The following ABCB8 variants were observed in gnomAD, a reference collection of about 807,000 sequenced individuals.
ABCB8 encodes the protein mitochondrial potassium channel ATP-binding subunit.
A neutral mutation model predicts 73.0 loss-of-function variants in ABCB8; 52 were observed. The observed-to-expected ratio is 0.71, with a 90% CI of 0.57 to 0.90. The LOEUF (loss-of-function observed/expected upper bound fraction) is 0.90, where lower values mean the gene tolerates loss of function less well. Ranked by LOEUF, ABCB8 falls within the 40% of genes least tolerant of loss-of-function variation. ABCB8 has a pLI of 0.00. For synonymous variants in ABCB8, 428 were observed against 423.5 expected (o/e 1.01, Z -0.13); for missense variants, 909 against 974.6 (o/e 0.93, Z 0.90).
Position 151,044,335 on chromosome 7 carries a change from G to T in ABCB8, c.2016+114G>T. The T allele has an allele frequency of 2.0e-6, 3 of 1,485,450 alleles. No homozygotes were observed. The South Asian group carries it at 3.9e-5, about 19-fold the overall frequency. 92.0% of individuals were successfully genotyped at this position (1,485,450 alleles called of 1,614,324 possible). On this transcript the variant is annotated intron_variant, in intron 15 of 15. Coordinates refer to ENST00000358849, the MANE Select transcript of ABCB8 (RefSeq NM_007188.5). ...GTGGCCTGGCCCCAGGGCCTTGGGG[G>T]CTATATTCTGGAAGCAGCGTCCCAT...
chr7:151,040,295 T>A lies in ABCB8; in HGVS notation c.1245T>A (p.Phe415Leu), dbSNP rs779449091. Residue 415 changes from phenylalanine to leucine, a missense_variant, in exon 10 of 16, where the codon TTT becomes TTA. Coordinates refer to ENST00000358849, the MANE Select transcript of ABCB8 (RefSeq NM_007188.5). ...CCATGGCCAACCTCTCTGTCCTGTT[T>A]GGGCAGGTGAGTGGCCGGTAGGGTG... Reference protein sequence around the residue: ...QRSMANLSVLFGQVVRGLSAG... With the variant: ...QRSMANLSVLLGQVVRGLSAG... The A allele has an allele frequency of 1.2e-6, 2 of 1,613,014 alleles. No homozygotes were observed. The highest frequency in any genetic ancestry group is 2.7e-5 in the African/African-American group (2 of 74,880).
rs747057365 is a variant in ABCB8 at position 151,034,605 on chromosome 7, G to A, written c.659+6G>A. On this transcript the variant is annotated splice_donor_region_variant and intron_variant, in intron 4 of 15. Coordinates refer to ENST00000358849, the MANE Select transcript of ABCB8 (RefSeq NM_007188.5). ...CTCTTCAGCTCCCTGCTCCGGTACT[G>A]CCAGCCGCAGGGTGCAGAGTTGGGG... 11 of 1,613,852 alleles carry A rather than the reference G, an allele frequency of 6.8e-6. No homozygotes were observed. Among genetic ancestry groups the A allele is most frequent in the Middle Eastern group, 1.7e-4 (1 of 6,058 alleles).
rs187662799 is a variant in ABCB8 at position 151,035,884 on chromosome 7, C to G, written c.930C>G (p.Ile310Met). 7 of 1,613,204 alleles carry G rather than the reference C, an allele frequency of 4.3e-6. No individual in the cohort carries two copies. The South Asian group carries it at 5.5e-5, about 13-fold the overall frequency. The change falls in exon 7 of 16, where the codon ATC becomes ATG. Residue 310 changes from isoleucine (I) to methionine (M), a missense_variant and splice_region_variant. Ile to Met is a conservative substitution (Grantham distance 10). Transcript: ENST00000358849. The part of the protein sequence containing the change: ...RKLSRQCQEQ[I>M]ARAMGVADEA... ...CCTGTTTCCTGGACTCCTTGCAGAT[C>G]GCCAGGGCAATGGGCGTAGCAGACG...
intron 15 of ABCB8, among the ~76,000 whole-genome samples, chr7:151,044,762 TACTC>T (rs1439604704): frequency 6.6e-6 from 1 of 152,062 alleles, no homozygotes; most frequent in Admixed American, 6.5e-5. Context: ...AAAGGAAACA[TACTC>T]AGAGTATGGT....
intron 1 of ABCB8, among the ~76,000 whole-genome samples, chr7:151,030,449 A>T (rs542406384): frequency 8.5e-5 from 13 of 152,080 alleles, no homozygotes; most frequent in African/African-American, 2.9e-4. Context: ...TGGGAGGCAG[A>T]GGTTGCAGTG....
rs1796300536 is a variant in ABCB8 at position 151,036,081 on chromosome 7, G to C, written c.1022G>C (p.Gly341Ala). The C allele has an allele frequency of 1.2e-6, 2 of 1,612,922 alleles. No individual in the cohort carries two copies. The highest frequency in any genetic ancestry group is 2.7e-5 in the African/African-American group (2 of 74,942). ...AMEQREEERY[G>A]AELEACRCRA... ...CTGGTCTCTCTCACCAGGCGCTATG[G>C]GGCAGAGCTGGAAGCCTGCCGCTGC... Residue 341 changes from glycine (G) to alanine (A), a missense_variant, in exon 8 of 16, where the codon GGG (glycine) becomes GCG (alanine). Transcript: ENST00000358849.
chr7:151,033,202 C>T (rs1193221710), intron 1 of ABCB8: 1 of 418,144 alleles, frequency 2.4e-6, no homozygotes, highest in East Asian at 6.9e-5. Context: ...TCTCTTTCCT[C>T]ACCTCTCTGC....
chr7:151,041,537 A>G (rs4148850), intron 13 of ABCB8, among the ~76,000 whole-genome samples: 34,161 of 152,202 alleles, frequency 0.22, 4,215 homozygotes, highest in Admixed American at 0.36. Context: ...AGAGAAGCCT[A>G]TAGTGGAGGT....
intron 9 of ABCB8, chr7:151,037,410 T>C: frequency 1.5e-6 from 1 of 687,134 alleles, no homozygotes; most frequent in South Asian, 1.5e-5. Flanking sequence ...TTATAGCTTA[T>C]TGCTTTGCGT....
intron 9 of ABCB8, chr7:151,037,549 A>C: frequency 3.5e-6 from 2 of 564,852 alleles, no homozygotes; most frequent in Non-Finnish European, 3.2e-6. Flanking sequence ...TAAATATGTT[A>C]TGGTAAATAA....
At chr7:151,042,733 GCA>G (rs1249978541) in intron 14 of ABCB8, among the ~76,000 whole-genome samples, 1 of 152,184 alleles carries the variant, frequency 6.6e-6, no homozygotes, top group Non-Finnish European at 1.5e-5. Context: ...TGGCTCTGTT[GCA>G]CAGTGTTTCA....
rs772248185 is a variant in ABCB8 at position 151,041,981 on chromosome 7, G to T, written c.1638G>T (p.Thr546=). The part of the protein sequence containing the change: ...FISQEPVLFG[T]TIMENIRFGK... ...CACAGGAGCCCGTCCTGTTTGGGAC[G>T]ACCATCATGGAAAACATCCGCTTTG... Residue 546 remains threonine, a synonymous_variant, in exon 14 of 16, where the codon ACG becomes ACT. Coordinates refer to ENST00000358849, the MANE Select transcript of ABCB8 (RefSeq NM_007188.5). 1 of 1,612,628 alleles carries T rather than the reference G, an allele frequency of 6.2e-7. No homozygotes were observed. The highest frequency in any genetic ancestry group is 1.3e-5 in the African/African-American group (1 of 74,930).
In ABCB8 at chr7:151,040,384, G is replaced by A. The variant is rs1796422814; in HGVS notation, c.1251+83G>A. 3.8e-6 allele frequency: 6 copies of A among 1,592,802 alleles called. No individual in the cohort carries two copies. In the Admixed American group the frequency reaches 5.3e-5, roughly 14 times the overall value. ...TGTGGGAGCTGCCTATTGACTGGGT[G>A]TGGGCGGGCAGAGGAGCTGGGGAGA... On this transcript the variant is annotated intron_variant, in intron 10 of 15. Coordinates refer to ENST00000358849, the MANE Select transcript of ABCB8 (RefSeq NM_007188.5).
In ABCB8 at chr7:151,042,035, G is replaced by A; in HGVS notation, c.1692G>A (p.Val564=). The change falls in exon 14 of 16, where the codon GTG becomes GTA. Residue 564 remains valine (V), a synonymous_variant. Coordinates refer to ENST00000358849, the MANE Select transcript of ABCB8 (RefSeq NM_007188.5). ...FGKLEASDEE[V]YTAAREANAH... Reference sequence around the variant, plus strand: ...AGCTGGAAGCTTCCGATGAAGAGGTGTACACAGCCGCCCGGGAAGCGAATG... The same window carrying A: ...AGCTGGAAGCTTCCGATGAAGAGGTATACACAGCCGCCCGGGAAGCGAATG... 4 of 1,613,180 alleles carry A rather than the reference G, an allele frequency of 2.5e-6. No individual in the cohort carries two copies. Among genetic ancestry groups the A allele is most frequent in the African/African-American group, 1.3e-5 (1 of 75,072 alleles).
Position 151,033,846 on chromosome 7 carries a change from T to C in ABCB8, c.337T>C (p.Ser113Pro). ...PASSTPHVVGSRFNWKLFWQF... is the reference protein window; with the variant it reads ...PASSTPHVVGPRFNWKLFWQF... ...CAGCTCCACACCCCATGTCGTGGGG[T>C]CTCGCTTTAACTGGAAGCTCTTCTG... The change falls in exon 2 of 16, where the codon TCT becomes CCT. Residue 113 changes from serine (S) to proline (P), a missense_variant. Ser to Pro is a moderately conservative substitution (Grantham distance 74). Coordinates refer to ENST00000358849, the MANE Select transcript of ABCB8 (RefSeq NM_007188.5). 6.2e-7 allele frequency: 1 copy of C among 1,613,392 alleles called. No individual in the cohort carries two copies. Among genetic ancestry groups the C allele is most frequent in the Non-Finnish European group, 8.5e-7 (1 of 1,179,704 alleles).
chr7:151,031,804 G>A (rs1350987597), intron 1 of ABCB8, among the ~76,000 whole-genome samples: 4 of 151,984 alleles, frequency 2.6e-5, no homozygotes, highest in Non-Finnish European at 5.9e-5. Context: ...CTAATTTTTA[G>A]TAGAGACAAG....
At chr7:151,040,753 G>T in intron 11 of ABCB8, 75 bp from the exon 12 acceptor site, 1 of 1,602,008 alleles carries the variant, frequency 6.2e-7, no homozygotes, top group South Asian at 1.1e-5. Flanking sequence ...GAGGGCTACA[G>T]GGAGACTTCA....
At position 151,028,463 on chromosome 7, in the gene ABCB8, T is replaced by C; in HGVS notation, c.-53T>C. 1.3e-6 allele frequency: 2 copies of C among 1,566,534 alleles called. No individual in the cohort carries two copies. The highest frequency in any genetic ancestry group is 1.7e-6 in the Non-Finnish European group (2 of 1,156,726). On this transcript the variant is annotated 5_prime_UTR_variant, in exon 1 of 16. Coordinates refer to ENST00000358849, the MANE Select transcript of ABCB8 (RefSeq NM_007188.5). ...GCGGGAGCCAACATAGAGCCCTCAG[T>C]GGGATGAGGGTGAAACTGCTATTGC...
intron 1 of ABCB8, among the ~76,000 whole-genome samples, chr7:151,032,247 G>C (rs1796183312): frequency 6.6e-6 from 1 of 152,332 alleles, no homozygotes; most frequent in East Asian, 1.9e-4. Context: ...CCTCTGAGGA[G>C]AAGGAGGAGC....
Sources: allele counts gnomAD v4.1 joint callset (sites outside exome capture counted in the v4.1 genomes callset), GRCh38; gene constraint gnomAD v4.1.1; transcripts MANE v1.5; gene names NCBI Gene and HGNC (gene_info 2026-07-23, HGNC 2026-07-21).